Variants in TTN observed in about 807,000 individuals in gnomAD.
TTN encodes connectin.
TTN carries 1,525 observed loss-of-function variants against 3,223.0 expected under a neutral mutation model. The ratio of observed to expected loss-of-function variants is 0.47; its 90% confidence interval spans 0.45 to 0.49. The LOEUF is 0.49. Ranked by LOEUF, TTN falls within the 20% of genes least tolerant of loss-of-function variation. The pLI, the probability that TTN is intolerant of heterozygous loss-of-function variation, is 0.00. For missense variants in TTN, 40,786 were observed against 43,424.0 expected (o/e 0.94, Z 5.40); for synonymous variants, 14,094 against 15,161.0 (o/e 0.93, Z 5.17).
chr2:178,562,744 A>G lies in TTN; in HGVS notation c.83388T>C (p.Ala27796=), dbSNP rs763818465. 2 of 1,611,388 alleles carry G rather than the reference A, an allele frequency of 1.2e-6. No homozygotes were observed. The highest frequency in any genetic ancestry group is 1.7e-5 in the Admixed American group (1 of 59,770). Residue 27796 remains alanine, a synonymous_variant, in exon 326 of 363, where the codon GCT becomes GCC. Coordinates refer to ENST00000589042, the MANE Select transcript of TTN (RefSeq NM_001267550.2). ...SWEPPLIDGG[A]KITNYIVEKR... ...TTTCGACAATGTAGTTTGTAATCTTAGCTCCACCATCAATAAGTGGTGGTT... is the reference window on the plus strand; with the variant it reads ...TTTCGACAATGTAGTTTGTAATCTTGGCTCCACCATCAATAAGTGGTGGTT...
chr2:178,797,377 T>C (rs2093821347), intron 6 of TTN, among the ~76,000 whole-genome samples: 1 of 123,426 alleles, frequency 8.1e-6, no homozygotes, highest in South Asian at 2.7e-4. Flanking sequence ...GCATTTTTTT[T>C]CACATGTTTA....
intron 227 of TTN, 48 bp from the exon 228 acceptor site, chr2:178,635,352 G>A (rs1375387654): frequency 3.1e-6 from 5 of 1,608,120 alleles, no homozygotes; most frequent in Admixed American, 1.7e-5. Context: ...ACAACCCAAC[G>A]ATGCTTTGCT....
At chr2:178,734,005 T>G in intron 52 of TTN, 113 bp from the exon 53 acceptor site, 1 of 1,045,122 alleles carries the variant, frequency 9.6e-7, no homozygotes, top group Non-Finnish European at 1.3e-6. Flanking sequence ...TACTACTATT[T>G]CATAGTGTTA....
chr2:178,540,814 A>G (rs1045481276), intron 350 of TTN, among the ~76,000 whole-genome samples: 18 of 152,146 alleles, frequency 1.2e-4, no homozygotes, highest in African/African-American at 4.1e-4. Flanking sequence ...ACAAAAAAAC[A>G]AAAGAAAGAA....
At chr2:178,597,879 T>A (rs1271373022) in intron 293 of TTN, 29 bp downstream of exon 293, 1 of 1,612,738 alleles carries the variant, frequency 6.2e-7, no homozygotes, top group Non-Finnish European at 8.5e-7. Context: ...ACATAAATAC[T>A]GATGGCATAA....
Position 178,679,405 on chromosome 2 carries a change from G to A in TTN, c.33676C>T (p.Pro11226Ser). 6.2e-7 allele frequency: 1 copy of A among 1,612,544 alleles called. No homozygotes were observed. The highest frequency in any genetic ancestry group is 8.5e-7 in the Non-Finnish European group (1 of 1,179,052). Residue 11226 changes from proline (P) to serine (S), a missense_variant, in exon 142 of 363, where the codon CCT (proline) becomes TCT (serine). Coordinates refer to ENST00000589042, the MANE Select transcript of TTN (RefSeq NM_001267550.2). ...GGAACTTTCTCCTCTGGCTTCTTAG[G>A]AACCTCAGGCACTTTAAAGATATTG... The part of the protein sequence containing the change: ...EAPPAKVPEV[P>S]KKPEEKVPVL...
rs1553954564 is a variant in TTN at position 178,748,413 on chromosome 2, A to G, written c.11311+4711T>C. On this transcript the variant is annotated intron_variant, in intron 47 of 362. Coordinates refer to ENST00000589042, the MANE Select transcript of TTN (RefSeq NM_001267550.2). ...AATACATTATTTTGCACACTTTTAG[A>G]GATATTGTGTGTGTCAGGTTGTAAC... 1 of 1,613,096 alleles carries G rather than the reference A, an allele frequency of 6.2e-7. No individual in the cohort carries two copies. The highest frequency in any genetic ancestry group is 8.5e-7 in the Non-Finnish European group (1 of 1,179,400).
At chr2:178,779,777 A>G (rs926399500) in intron 22 of TTN, 4 of 565,210 alleles carry the variant, frequency 7.1e-6, no homozygotes, top group South Asian at 6.5e-5. Flanking sequence ...AATATATTAT[A>G]AGCCCTATTT....
intron 90 of TTN, 48 bp from the exon 91 acceptor site, chr2:178,714,621 C>G: frequency 2.0e-6 from 3 of 1,526,012 alleles, no homozygotes; most frequent in Non-Finnish European, 1.8e-6. Context: ...GTGAGACTGA[C>G]AGCATTTTGC....
chr2:178,582,372 G>A lies in TTN; in HGVS notation c.66084C>T (p.Phe22028=). Residue 22028 remains phenylalanine, a synonymous_variant, in exon 314 of 363, where the codon TTC becomes TTT. Transcript: ENST00000589042. ...EKLIEGHEYQ[F]RICAENKYGV... is the part of the protein sequence containing the mutation. ...CATATTTATTTTCAGCACAAATACGGAACTGATACTCATGGCCCTCTATAA... is the reference window on the plus strand; with the variant it reads ...CATATTTATTTTCAGCACAAATACGAAACTGATACTCATGGCCCTCTATAA... 1.2e-6 allele frequency: 2 copies of A among 1,612,572 alleles called. No individual in the cohort carries two copies. The highest frequency in any genetic ancestry group is 1.7e-4 in the Middle Eastern group (1 of 6,048).
At position 178,530,359 on chromosome 2, in the gene TTN, T is replaced by A; in HGVS notation, c.106256A>T (p.Lys35419Ile). Reference sequence around the variant, plus strand: ...CTGCAACCCAGTAACAATTACTGGTTTTGAGGAAATTGGTTCAGGAGCTTT... The same window carrying A: ...CTGCAACCCAGTAACAATTACTGGTATTGAGGAAATTGGTTCAGGAGCTTT... ...EPKAPEPISS[K>I]PVIVTGLQDT... Residue 35419 changes from lysine to isoleucine, a missense_variant, in exon 358 of 363, where the codon AAA becomes ATA. By Grantham distance (102) the Lys-to-Ile change is moderately radical. Transcript: ENST00000589042. The A allele has an allele frequency of 6.2e-7, 1 of 1,613,982 alleles. No individual in the cohort carries two copies. Among genetic ancestry groups the A allele is most frequent in the Non-Finnish European group, 8.5e-7 (1 of 1,179,874 alleles).
rs192001910 is a variant in TTN, at chr2:178,533,323, G to C, written c.103292C>G (p.Thr34431Arg). The C allele has an allele frequency of 3.1e-6, 5 of 1,613,652 alleles. No individual in the cohort carries two copies. Among genetic ancestry groups the C allele is most frequent in the Non-Finnish European group, 3.4e-6 (4 of 1,179,866 alleles). Reference protein sequence around the residue: ...LHIRDTLPEDTGYYRVTATNT... With the variant: ...LHIRDTLPEDRGYYRVTATNT... ...AGTGGCTGTGACTCTATAATAACCC[G>C]TGTCTTCAGGCAAAGTGTCCCTGAT... Residue 34431 changes from threonine to arginine, a missense_variant, in exon 358 of 363, where the codon ACG (threonine) becomes AGG (arginine). Transcript: ENST00000589042.
At chr2:178,760,357 T>C in intron 43 of TTN, among the ~76,000 whole-genome samples, 1 of 152,072 alleles carries the variant, frequency 6.6e-6, no homozygotes, top group South Asian at 2.1e-4. Flanking sequence ...TGGTGAAACC[T>C]AGTCTCTCCT....
At position 178,681,572 on chromosome 2, in the gene TTN, C is replaced by T. The variant is rs545532655; in HGVS notation, c.33172+89G>A. The T allele has an allele frequency of 1.7e-3, 2,452 of 1,468,190 alleles. 49 individuals carry two copies. The South Asian group carries it at 0.023, about 14-fold the overall frequency. The allele number at this position is 1,468,190 out of a possible 1,614,324, so 90.9% of individuals were successfully genotyped here. ...TTCCCAAACACACACATAATTTGTA[C>T]ACTGCCACTTTTACATATATTTTTA... On this transcript the variant is annotated intron_variant, in intron 136 of 362. Coordinates refer to ENST00000589042, the MANE Select transcript of TTN (RefSeq NM_001267550.2).
chr2:178,556,739 C>T, intron 330 of TTN, 109 bp downstream of exon 330: 9 of 1,318,852 alleles, frequency 6.8e-6, no homozygotes, highest in Non-Finnish European at 5.2e-6. Flanking sequence ...TCCAAAAACC[C>T]CATTAAGGCA....
chr2:178,764,116 T>C, intron 43 of TTN, 61 bp downstream of exon 43: 2 of 1,611,974 alleles, frequency 1.2e-6, no homozygotes, highest in Non-Finnish European at 1.7e-6. Context: ...GCTGACAGAA[T>C]GTTTTTCCCA....
In TTN at chr2:178,611,492, T is replaced by G; in HGVS notation, c.50737A>C (p.Lys16913Gln). The change falls in exon 269 of 363, where the codon AAG (lysine) becomes CAG (glutamine). Residue 16913 changes from lysine (K) to glutamine (Q), a missense_variant. Coordinates refer to ENST00000589042, the MANE Select transcript of TTN (RefSeq NM_001267550.2). ...TCAGGAACAACACCTTCTTCAACCT[T>G]GAATTTCAAGTCCTTTATTGGGCGA... ...NSRPIKDLKF[K>Q]VEEGVVPDKE... 6.2e-7 allele frequency: 1 copy of G among 1,612,988 alleles called. No homozygotes were observed. The highest frequency in any genetic ancestry group is 8.5e-7 in the Non-Finnish European group (1 of 1,179,296).
At chr2:178,699,572 C>T (rs554917703) in intron 111 of TTN, among the ~76,000 whole-genome samples, 2 of 145,930 alleles carry the variant, frequency 1.4e-5, no homozygotes, top group African/African-American at 2.5e-5. Flanking sequence ...CCACCGCGCC[C>T]GGCTAATTTT....
Position 178,664,510 on chromosome 2 carries a change from G to A in TTN, c.36230C>T (p.Pro12077Leu), listed in dbSNP as rs761346120. ...EVPEALREVV[P>L]EKKVHPPQRA... Reference sequence around the variant, plus strand: ...TTGGGGAGGATGCACTTTCTTTTCCGGGACAACTTCTCTGAGAGCCTCCGG... The same window carrying A: ...TTGGGGAGGATGCACTTTCTTTTCCAGGACAACTTCTCTGAGAGCCTCCGG... Residue 12077 changes from proline (P) to leucine (L), a missense_variant, in exon 168 of 363, where the codon CCG (proline) becomes CTG (leucine). By Grantham distance (98) the Pro-to-Leu change is moderately conservative (BLOSUM62 -3). Transcript: ENST00000589042. 8.1e-6 allele frequency: 13 copies of A among 1,612,036 alleles called. No homozygotes were observed. Among genetic ancestry groups the A allele is most frequent in the South Asian group, 5.5e-5 (5 of 91,028 alleles).
Sources: gnomAD v4.1 joint callset for allele counts (sites outside exome capture counted in the v4.1 genomes callset) on GRCh38, gnomAD v4.1.1 for gene constraint, MANE v1.5 for transcripts, NCBI Gene and HGNC (gene_info 2026-07-23, HGNC 2026-07-21) for gene names.